Variants in L3MBTL4 observed in about 807,000 individuals in gnomAD.
The protein encoded by L3MBTL4 is L3MBTL histone methyl-lysine binding protein 4, also known as lethal(3)malignant brain tumor-like protein 4.
A neutral mutation model predicts 84.5 loss-of-function variants in L3MBTL4; 70 were observed. That is an observed-to-expected ratio of 0.83 (90% confidence interval 0.68 to 1.01). The LOEUF is 1.01. L3MBTL4 is among the 50% of genes least tolerant of loss of function. The pLI, the probability that L3MBTL4 is intolerant of heterozygous loss-of-function variation, is 0.00. For synonymous variants in L3MBTL4, 274 were observed against 259.8 expected (o/e 1.05, Z -0.52); for missense variants, 715 against 754.8 (o/e 0.95, Z 0.62).
intron 16 of L3MBTL4, among the ~76,000 whole-genome samples, chr18:5,970,927 G>A (rs373065614): frequency 1.3e-4 from 20 of 152,156 alleles, no homozygotes; most frequent in East Asian, 5.8e-4. Flanking sequence ...CTCGTGGATC[G>A]GAACAGACAT....
rs145714682 is a variant in L3MBTL4, at chr18:5,988,603, C to T, written c.1445-19041G>A. 2.9e-3 allele frequency among the ~76,000 whole-genome samples: 449 copies of T among 152,268 alleles called. 1 individual carries two copies. Among genetic ancestry groups the T allele is most frequent in the Non-Finnish European group, 4.8e-3 (326 of 68,028 alleles). Reference sequence around the variant, plus strand: ...TAGGCCACTAGACAAAATTATCATACATCTTCAATCATCAATGTCCAGAGT... The same window carrying T: ...TAGGCCACTAGACAAAATTATCATATATCTTCAATCATCAATGTCCAGAGT... On this transcript the variant is annotated intron_variant, in intron 16 of 18. Transcript: ENST00000317931.
intron 16 of L3MBTL4, among the ~76,000 whole-genome samples, chr18:5,990,146 A>G (rs1294496512): frequency 1.3e-5 from 2 of 152,222 alleles, no homozygotes; most frequent in African/African-American, 4.8e-5. Flanking sequence ...GCCTTTGGGC[A>G]GGGAAGTAAG....
intron 5 of L3MBTL4, among the ~76,000 whole-genome samples, chr18:6,263,066 A>T (rs1213739956): frequency 6.6e-6 from 1 of 152,146 alleles, no homozygotes; most frequent in African/African-American, 2.4e-5. Context: ...TGAGGTCAGG[A>T]GATGGAGACC....
chr18:6,057,850 C>G (rs929277092), intron 16 of L3MBTL4, among the ~76,000 whole-genome samples: 1 of 152,146 alleles, frequency 6.6e-6, no homozygotes, highest in Non-Finnish European at 1.5e-5. Flanking sequence ...GTGACTCAAC[C>G]AAATACTTAA....
Position 6,232,517 on chromosome 18 carries a change from G to C in L3MBTL4, c.784+5447C>G, listed in dbSNP as rs146080457. On this transcript the variant is annotated intron_variant, in intron 10 of 18. Transcript: ENST00000317931. ...CTAGTCAAGCCTAGGGCTTTTCTTT[G>C]TCAGGAGGTTTTTGTATTACTGATT... Among the ~76,000 whole-genome samples the C allele has an allele frequency of 2.8e-3, 427 of 152,076 alleles. 2 individuals carry two copies. Among genetic ancestry groups the C allele is most frequent in the African/African-American group, 9.4e-3 (391 of 41,516 alleles).
chr18:6,120,884 T>C (rs1394214672), intron 14 of L3MBTL4, among the ~76,000 whole-genome samples: 2 of 152,164 alleles, frequency 1.3e-5, no homozygotes, highest in Non-Finnish European at 2.9e-5. Flanking sequence ...GGTGTTTGGG[T>C]AGATTCAAGT....
intron 1 of L3MBTL4, among the ~76,000 whole-genome samples, chr18:6,398,326 A>G (rs73375042): frequency 0.15 from 22,836 of 152,180 alleles, 2,111 homozygotes; most frequent in East Asian, 0.27. Flanking sequence ...CTCTGTAATG[A>G]ATGGCCTGTG....
intron 13 of L3MBTL4, among the ~76,000 whole-genome samples, chr18:6,166,255 C>T (rs533807016): frequency 2.6e-4 from 40 of 152,272 alleles, no homozygotes; most frequent in Admixed American, 2.4e-3. Flanking sequence ...CCGCTGTCAA[C>T]ATTAGACAGA....
At chr18:6,307,935 A>T (rs1010593074) in intron 3 of L3MBTL4, among the ~76,000 whole-genome samples, 14 of 152,134 alleles carry the variant, frequency 9.2e-5, no homozygotes, top group African/African-American at 3.4e-4. Flanking sequence ...TTGCATTTTG[A>T]TGTAGGAAAT....
intron 12 of L3MBTL4, among the ~76,000 whole-genome samples, chr18:6,179,367 C>T (rs915356693): frequency 1.3e-5 from 2 of 152,160 alleles, no homozygotes; most frequent in African/African-American, 4.8e-5. Context: ...AAGTTTCATT[C>T]TAGAGAGGAG....
intron 16 of L3MBTL4, among the ~76,000 whole-genome samples, chr18:5,997,897 C>T (rs144741699): frequency 6.6e-5 from 10 of 152,194 alleles, no homozygotes; most frequent in South Asian, 2.1e-4. Flanking sequence ...ATCAGGGACT[C>T]GAGTAGCTGC....
rs2058044087 is a variant in L3MBTL4 at position 6,080,644 on chromosome 18, C to T, written c.1444+237G>A. The stretch of plus-strand genomic sequence containing the variant: ...ACACTTTTCCTATCATGAGTGGGGA[C>T]CATAGAGATCATAGAGTCCAGTCCT... On this transcript the variant is annotated intron_variant, in intron 16 of 18. Coordinates refer to ENST00000317931, the MANE Select transcript of L3MBTL4 (RefSeq NM_001330559.2). 2.0e-5 allele frequency among the ~76,000 whole-genome samples: 3 copies of T among 152,092 alleles called. No individual in the cohort carries two copies. The South Asian group carries it at 6.2e-4, about 32-fold the overall frequency.
rs533691482 is a variant in L3MBTL4 at position 6,410,856 on chromosome 18, G to A, written c.-91+3945C>T. Among the ~76,000 whole-genome samples the A allele has an allele frequency of 2.1e-3, 322 of 151,722 alleles. 1 individual carries two copies. The highest frequency in any genetic ancestry group is 7.3e-3 in the African/African-American group (302 of 41,328). On this transcript the variant is annotated intron_variant, in intron 1 of 18. Coordinates refer to ENST00000317931, the MANE Select transcript of L3MBTL4 (RefSeq NM_001330559.2). ...GCCTCATTACTTCCAGCCTCATTAA[G>A]AGAATGTTTCCCATGTGAGCTGAGA... is the stretch of plus-strand genomic sequence containing the variant.
chr18:6,007,424 A>G (rs1028425688), intron 16 of L3MBTL4, among the ~76,000 whole-genome samples: 2 of 152,200 alleles, frequency 1.3e-5, no homozygotes, highest in African/African-American at 4.8e-5. Flanking sequence ...AAATTTTTCA[A>G]TTTACCTTGT....
intron 5 of L3MBTL4, among the ~76,000 whole-genome samples, chr18:6,255,628 T>G (rs2048104401): frequency 6.6e-6 from 1 of 152,188 alleles, no homozygotes; most frequent in Non-Finnish European, 1.5e-5. Context: ...TTCTTTCGTC[T>G]CGATATGCCT....
At chr18:6,350,765 T>C (rs1045937383) in intron 1 of L3MBTL4, among the ~76,000 whole-genome samples, 4 of 152,090 alleles carry the variant, frequency 2.6e-5, no homozygotes, top group African/African-American at 7.2e-5. Flanking sequence ...CAAACAGAAA[T>C]TAGTGCACCA....
intron 14 of L3MBTL4, among the ~76,000 whole-genome samples, chr18:6,098,019 G>C (rs2058697607): frequency 6.6e-6 from 1 of 152,118 alleles, no homozygotes; most frequent in South Asian, 2.1e-4. Flanking sequence ...CTTCCTATGT[G>C]GCTCTGATTC....
Position 6,090,568 on chromosome 18 carries a change from T to G in L3MBTL4, c.1373+2787A>C, listed in dbSNP as rs1453925004. On this transcript the variant is annotated intron_variant, in intron 15 of 18. Transcript: ENST00000317931. ...TACAAGAAGTCTGGATATATATAAATATATGTGTATATATATTATATATAT... is the reference window on the plus strand; with the variant it reads ...TACAAGAAGTCTGGATATATATAAAGATATGTGTATATATATTATATATAT... Among the ~76,000 whole-genome samples, 3 of 148,290 alleles carry G rather than the reference T, an allele frequency of 2.0e-5. No individual in the cohort carries two copies. The Admixed American group carries it at 2.0e-4, about 10-fold the overall frequency.
intron 16 of L3MBTL4, among the ~76,000 whole-genome samples, chr18:6,055,544 G>T (rs1283053211): frequency 6.6e-6 from 1 of 152,122 alleles, no homozygotes; most frequent in East Asian, 1.9e-4. Context: ...TAGACAGCTT[G>T]GTCAGCAAAG....
Sources: gnomAD v4.1 joint callset for allele counts (sites outside exome capture counted in the v4.1 genomes callset) on GRCh38, gnomAD v4.1.1 for gene constraint, MANE v1.5 for transcripts, NCBI Gene and HGNC (gene_info 2026-07-23, HGNC 2026-07-21) for gene names.